CATSPERT: variants seen among roughly 807,000 people sequenced by gnomAD.
CATSPERT encodes cation channel sperm-associated targeting subunit tau.
the CATSPERT span, among the ~76,000 whole-genome samples, chr2:201,562,248 C>T: frequency 3.6e-5 from 5 of 138,908 alleles, no homozygotes; most frequent in Non-Finnish European, 6.0e-5. Context: ...AGTGCAGTGG[C>T]GCGATCTCGG....
the CATSPERT span, among the ~76,000 whole-genome samples, chr2:201,526,722 C>T: frequency 6.6e-6 from 1 of 152,140 alleles, no homozygotes; most frequent in South Asian, 2.1e-4. Flanking sequence ...AACATCCCTG[C>T]ATGTCAAAAA....
chr2:201,600,957 T>G, the CATSPERT span, among the ~76,000 whole-genome samples: 2 of 152,008 alleles, frequency 1.3e-5, no homozygotes, highest in Non-Finnish European at 1.5e-5. Flanking sequence ...ACCATGTTGG[T>G]CAGGCTGGTC....
chr2:201,619,165 G>A, the CATSPERT span: 8 of 1,607,200 alleles, frequency 5.0e-6, no homozygotes, highest in Non-Finnish European at 6.8e-6. Flanking sequence ...GCGCCCAACC[G>A]ACGGCCCGCT....
chr2:201,593,889 G>A, the CATSPERT span, among the ~76,000 whole-genome samples: 28 of 151,854 alleles, frequency 1.8e-4, no homozygotes, highest in African/African-American at 6.5e-4. Flanking sequence ...CATGAGATGG[G>A]TTTCCTGAAT....
the CATSPERT span, among the ~76,000 whole-genome samples, chr2:201,617,964 A>G: frequency 6.6e-6 from 1 of 152,238 alleles, no homozygotes; most frequent in Non-Finnish European, 1.5e-5. Context: ...AAAAATGCTC[A>G]TCATCACTGG....
At chr2:201,560,065 C>T in the CATSPERT span, among the ~76,000 whole-genome samples, 5 of 152,050 alleles carry the variant, frequency 3.3e-5, no homozygotes, top group African/African-American at 1.2e-4. Context: ...ATAAATTCAA[C>T]AAATAAATAG....
the CATSPERT span, among the ~76,000 whole-genome samples, chr2:201,524,151 C>T: frequency 6.6e-6 from 1 of 151,944 alleles, no homozygotes; most frequent in African/African-American, 2.4e-5. Flanking sequence ...AGATGACCAT[C>T]CCCAAGACAT....
chr2:201,491,567 A>G, the CATSPERT span: 2 of 1,536,874 alleles, frequency 1.3e-6, no homozygotes, highest in Non-Finnish European at 1.7e-6. Context: ...TGGTCTTCTA[A>G]TTTTGATTTT....
At chr2:201,493,591 A>G in the CATSPERT span, 9 of 1,536,960 alleles carry the variant, frequency 5.9e-6, no homozygotes, top group African/African-American at 6.8e-5. Context: ...TGGCAATTCT[A>G]TTTCATCAGC....
At chr2:201,535,756 C>A in the CATSPERT span, 5 of 1,348,028 alleles carry the variant, frequency 3.7e-6, no homozygotes, top group Middle Eastern at 2.3e-4. Context: ...AATGCATTTT[C>A]GATTTATTTG....
the CATSPERT span, among the ~76,000 whole-genome samples, chr2:201,569,368 T>C: frequency 6.6e-6 from 1 of 152,194 alleles, no homozygotes; most frequent in East Asian, 1.9e-4. Flanking sequence ...TATCTACTCA[T>C]GTCTAGGAAC....
the CATSPERT span, among the ~76,000 whole-genome samples, chr2:201,569,453 A>G: frequency 3.3e-5 from 5 of 152,188 alleles, no homozygotes; most frequent in Non-Finnish European, 7.4e-5. Flanking sequence ...TCTACTGTCC[A>G]TTATGGTAAC....
chr2:201,529,276 A>T, the CATSPERT span, among the ~76,000 whole-genome samples: 1 of 152,134 alleles, frequency 6.6e-6, no homozygotes, highest in East Asian at 1.9e-4. Flanking sequence ...ACCATAAAAT[A>T]CCCCAAACAG....
chr2:201,602,050 T>A, the CATSPERT span, among the ~76,000 whole-genome samples: 1 of 152,108 alleles, frequency 6.6e-6, no homozygotes, highest in African/African-American at 2.4e-5. Flanking sequence ...CCATCACTGG[T>A]GGACACAATA....
the CATSPERT span, among the ~76,000 whole-genome samples, chr2:201,616,767 T>C: frequency 6.6e-6 from 1 of 152,182 alleles, no homozygotes; most frequent in African/African-American, 2.4e-5. Context: ...GAAGTCAAAT[T>C]GTCCCTGTTT....
the CATSPERT span, chr2:201,603,297 CACAG>C: frequency 8.9e-4 from 1,424 of 1,603,920 alleles, 31 homozygotes; most frequent in South Asian, 0.015. Context: ...AAAACAAAAA[CACAG>C]ACAGTGAATG....
At chr2:201,502,039 G>A in the CATSPERT span, among the ~76,000 whole-genome samples, 1 of 152,098 alleles carries the variant, frequency 6.6e-6, no homozygotes, top group Non-Finnish European at 1.5e-5. Flanking sequence ...GCTTAGAACG[G>A]ACATATACAA....
chr2:201,614,851 A>G, the CATSPERT span, among the ~76,000 whole-genome samples: 247 of 152,348 alleles, frequency 1.6e-3, 1 homozygote, highest in African/African-American at 5.5e-3. Context: ...CTCAAAATAA[A>G]GGGATAGAGG....
At chr2:201,517,054 A>C in the CATSPERT span, among the ~76,000 whole-genome samples, 1 of 151,092 alleles carries the variant, frequency 6.6e-6, no homozygotes, top group East Asian at 2.0e-4. Flanking sequence ...ATGCTGCTAT[A>C]GCTCTACCTG....
Sources: gnomAD v4.1 joint callset for allele counts (sites outside exome capture counted in the v4.1 genomes callset) on GRCh38, gnomAD v4.1.1 for gene constraint, MANE v1.5 for transcripts, NCBI Gene and HGNC (gene_info 2026-07-23, HGNC 2026-07-21) for gene names.